Variants in USH2A observed in about 807,000 individuals in gnomAD.
The protein encoded by USH2A is Usher syndrome 2A (autosomal recessive, mild).
Under a neutral mutation model 538.9 loss-of-function variants are expected in USH2A, and 443 were observed. That is an observed-to-expected ratio of 0.82 (90% CI 0.76 to 0.89). The LOEUF (loss-of-function observed/expected upper bound fraction) is 0.89. Among genes scored for constraint, USH2A ranks in the 40% least tolerant of loss-of-function variants. The probability of loss-of-function intolerance (pLI) is 0.00; values close to 1 mark genes in which losing one functional copy is unlikely to be tolerated. For synonymous variants in USH2A, 2,413 were observed against 2,273.5 expected (o/e 1.06, Z -1.75); for missense variants, 6,633 against 6,324.8 (o/e 1.05, Z -1.65).
At chr1:216,004,375 C>T (rs1668342588) in intron 32 of USH2A, among the ~76,000 whole-genome samples, 1 of 152,018 alleles carries the variant, frequency 6.6e-6, no homozygotes, top group African/African-American at 2.4e-5. Flanking sequence ...AGAGAGTGAC[C>T]AGTAAGGTAT....
chr1:215,732,215 G>T (rs1411158658), intron 60 of USH2A, among the ~76,000 whole-genome samples: 2 of 152,162 alleles, frequency 1.3e-5, no homozygotes, highest in Non-Finnish European at 2.9e-5. Context: ...GATTTGTGAA[G>T]GTTGAATCGT....
chr1:216,022,238 T>A (rs528261786), intron 32 of USH2A, among the ~76,000 whole-genome samples: 1 of 152,112 alleles, frequency 6.6e-6, no homozygotes, highest in Non-Finnish European at 1.5e-5. Context: ...CTAAATGGAC[T>A]GAGACAGGTG....
chr1:216,404,469 A>C (rs1462821124), intron 3 of USH2A, among the ~76,000 whole-genome samples: 1 of 152,170 alleles, frequency 6.6e-6, no homozygotes, highest in Non-Finnish European at 1.5e-5. Flanking sequence ...AAATCAACAT[A>C]AATATCTTCT....
intron 3 of USH2A, among the ~76,000 whole-genome samples, chr1:216,381,151 T>C (rs1376555702): frequency 6.6e-6 from 1 of 152,106 alleles, no homozygotes; most frequent in African/African-American, 2.4e-5. Context: ...GTCATTGAGA[T>C]ACGTACACAA....
chr1:216,105,046 G>C (rs1256886232), intron 21 of USH2A, among the ~76,000 whole-genome samples: 2 of 152,106 alleles, frequency 1.3e-5, no homozygotes, highest in Admixed American at 1.3e-4. Context: ...GCAGCCAACA[G>C]ACACATGAAA....
At chr1:215,826,427 G>A (rs555428538) in intron 47 of USH2A, among the ~76,000 whole-genome samples, 1 of 152,312 alleles carries the variant, frequency 6.6e-6, no homozygotes, top group Non-Finnish European at 1.5e-5. Flanking sequence ...AGTGATGGCA[G>A]TGAAGTAATA....
chr1:215,665,719 A>G (rs923603527), intron 64 of USH2A, among the ~76,000 whole-genome samples: 2 of 152,212 alleles, frequency 1.3e-5, no homozygotes, highest in Admixed American at 1.3e-4. Flanking sequence ...TTCACACTGC[A>G]TGTATTAGAA....
chr1:215,967,569 T>C (rs1054292036), intron 36 of USH2A, among the ~76,000 whole-genome samples: 8 of 152,154 alleles, frequency 5.3e-5, no homozygotes, highest in Non-Finnish European at 1.0e-4. Flanking sequence ...ATTATTTCTC[T>C]TTGTAATAGT....
intron 32 of USH2A, among the ~76,000 whole-genome samples, chr1:216,045,672 C>A (rs1394766295): frequency 6.6e-6 from 1 of 152,146 alleles, no homozygotes; most frequent in African/African-American, 2.4e-5. Context: ...CAATTTCAAT[C>A]CTTGTGGTCT....
chr1:216,212,098 T>C (rs1001501453), intron 15 of USH2A, among the ~76,000 whole-genome samples: 1 of 152,134 alleles, frequency 6.6e-6, no homozygotes, highest in Non-Finnish European at 1.5e-5. Flanking sequence ...TGAATGAAAA[T>C]GAAAGAGAGA....
intron 61 of USH2A, among the ~76,000 whole-genome samples, chr1:215,694,506 G>A (rs866826027): frequency 2.0e-5 from 3 of 152,172 alleles, no homozygotes; most frequent in Non-Finnish European, 4.4e-5. Flanking sequence ...CCGGGAGGCG[G>A]AGCTTACGGT....
At position 216,369,740 on chromosome 1, in the gene USH2A, G is replaced by A. The variant is rs568041218; in HGVS notation, c.652-4655C>T. ...AGCCTGGCCAACATAGTGAAACCCC[G>A]TCTGTACTTAAAAAATATATATATA... On this transcript the variant is annotated intron_variant, in intron 3 of 71. Coordinates refer to ENST00000307340, the MANE Select transcript of USH2A (RefSeq NM_206933.4). Among the ~76,000 whole-genome samples the A allele has an allele frequency of 6.6e-5, 10 of 151,508 alleles. No individual in the cohort carries two copies. The South Asian group carries it at 8.3e-4, about 13-fold the overall frequency.
chr1:216,174,307 T>A (rs1167938708), intron 21 of USH2A: 1 of 975,732 alleles, frequency 1.0e-6, no homozygotes, highest in African/African-American at 1.8e-5. Flanking sequence ...ATAATATATA[T>A]CTTATACTTT....
At chr1:216,263,280 G>A (rs2036410356) in intron 11 of USH2A, among the ~76,000 whole-genome samples, 2 of 152,000 alleles carry the variant, frequency 1.3e-5, no homozygotes, top group African/African-American at 2.4e-5. Context: ...ATTTTATAAG[G>A]CCAGCATTAC....
At chr1:215,746,775 C>T (rs553864327) in intron 58 of USH2A, among the ~76,000 whole-genome samples, 6 of 152,170 alleles carry the variant, frequency 3.9e-5, no homozygotes, top group South Asian at 4.1e-4. Context: ...AATTGGTTTC[C>T]TTATATATCT....
At chr1:215,704,361 G>C (rs993088246) in intron 61 of USH2A, among the ~76,000 whole-genome samples, 5 of 152,156 alleles carry the variant, frequency 3.3e-5, no homozygotes, top group Non-Finnish European at 5.9e-5. Flanking sequence ...TTTCAGGAGA[G>C]GAAATCATGG....
intron 13 of USH2A, among the ~76,000 whole-genome samples, chr1:216,241,536 T>C (rs1425051875): frequency 3.3e-5 from 5 of 151,998 alleles, no homozygotes; most frequent in Non-Finnish European, 5.9e-5. Flanking sequence ...ATTTGTCTTT[T>C]TGTTTTTTTT....
intron 4 of USH2A, among the ~76,000 whole-genome samples, chr1:216,354,722 G>C (rs961800789): frequency 3.3e-5 from 5 of 150,758 alleles, no homozygotes; most frequent in African/African-American, 1.2e-4. Context: ...TGAAAACAAA[G>C]GAACAAACAA....
intron 38 of USH2A, among the ~76,000 whole-genome samples, chr1:215,914,160 G>A (rs61828482): frequency 0.15 from 21,985 of 142,164 alleles, 1,716 homozygotes; most frequent in African/African-American, 0.17. Context: ...TGCAACCTCC[G>A]CCTCCTAGGT....
Sources: gnomAD v4.1 joint callset for allele counts (sites outside exome capture counted in the v4.1 genomes callset) on GRCh38, gnomAD v4.1.1 for gene constraint, MANE v1.5 for transcripts, NCBI Gene and HGNC (gene_info 2026-07-23, HGNC 2026-07-21) for gene names.